SEMA6D: variants seen among roughly 807,000 people sequenced by gnomAD.
The protein encoded by SEMA6D is semaphorin-6D.
Under a neutral mutation model 106.6 loss-of-function variants are expected in SEMA6D, and 35 were observed. The observed-to-expected ratio is 0.33, with a 90% CI of 0.25 to 0.44. The LOEUF (loss-of-function observed/expected upper bound fraction) is 0.44, where lower values mean the gene tolerates loss of function less well. Ranked by LOEUF, SEMA6D falls within the 20% of genes least tolerant of loss-of-function variation. The pLI, the probability that SEMA6D is intolerant of heterozygous loss-of-function variation, is 1.00. For synonymous variants in SEMA6D, 499 were observed against 487.7 expected, an observed-to-expected ratio of 1.02 and a Z score of -0.31; for missense variants, 1,185 against 1,345.9, an observed-to-expected ratio of 0.88 and a Z score of 1.87.
At chr15:47,264,369 T>A (rs1362834107) in intron 1 of SEMA6D, among the ~76,000 whole-genome samples, 1 of 151,198 alleles carries the variant, frequency 6.6e-6, no homozygotes, top group Non-Finnish European at 1.5e-5. Context: ...TTGTGCAAGG[T>A]TTTTGGGGGA....
intron 3 of SEMA6D, among the ~76,000 whole-genome samples, chr15:47,522,550 C>G (rs2044621102): frequency 6.6e-6 from 1 of 152,174 alleles, no homozygotes; most frequent in African/African-American, 2.4e-5. Flanking sequence ...AGTAAGCATC[C>G]TTTCAAGAGT....
At chr15:47,702,319 A>G (rs1321424745) in intron 4 of SEMA6D, among the ~76,000 whole-genome samples, 1 of 152,226 alleles carries the variant, frequency 6.6e-6, no homozygotes, top group African/African-American at 2.4e-5. Flanking sequence ...GCAGCAGGAT[A>G]CTGCCACACA....
At chr15:47,569,164 A>C (rs975941158) in intron 3 of SEMA6D, among the ~76,000 whole-genome samples, 3 of 152,166 alleles carry the variant, frequency 2.0e-5, no homozygotes, top group African/African-American at 7.2e-5. Context: ...GGTGGTAACT[A>C]TACCTTTTCA....
At chr15:47,217,294 G>T (rs1272751095) in intron 1 of SEMA6D, among the ~76,000 whole-genome samples, 1 of 152,106 alleles carries the variant, frequency 6.6e-6, no homozygotes, top group East Asian at 1.9e-4. Context: ...TTTTAAATTT[G>T]TAGTACCATT....
At chr15:47,460,143 C>G (rs1379238473) in intron 2 of SEMA6D, among the ~76,000 whole-genome samples, 1 of 152,054 alleles carries the variant, frequency 6.6e-6, no homozygotes, top group African/African-American at 2.4e-5. Flanking sequence ...TTGCAACATT[C>G]TGACACTCAG....
chr15:47,597,569 A>G (rs909234312), intron 3 of SEMA6D, among the ~76,000 whole-genome samples: 2 of 152,070 alleles, frequency 1.3e-5, no homozygotes, highest in East Asian at 1.9e-4. Context: ...GTGAGGCAAC[A>G]TGAGTGAACC....
At chr15:47,238,734 G>A in intron 1 of SEMA6D, among the ~76,000 whole-genome samples, 1 of 152,146 alleles carries the variant, frequency 6.6e-6, no homozygotes, top group East Asian at 1.9e-4. Context: ...TTTGCTGGCA[G>A]CTATGCTTAG....
chr15:47,362,409 A>G (rs1447789097), intron 1 of SEMA6D, among the ~76,000 whole-genome samples: 2 of 152,126 alleles, frequency 1.3e-5, no homozygotes, highest in Non-Finnish European at 2.9e-5. Flanking sequence ...TTTTCATGAT[A>G]CTGGAACCTG....
intron 3 of SEMA6D, among the ~76,000 whole-genome samples, chr15:47,525,983 G>A (rs571577466): frequency 9.5e-4 from 144 of 152,364 alleles, no homozygotes; most frequent in African/African-American, 3.3e-3. Flanking sequence ...CTCAGCACCT[G>A]TTGGAGAACA....
In SEMA6D at chr15:47,762,260, G is replaced by A. The variant is rs1240809744; in HGVS notation, c.599G>A (p.Arg200Gln). 1.9e-6 allele frequency: 3 copies of A among 1,613,612 alleles called. No individual in the cohort carries two copies. The highest frequency in any genetic ancestry group is 2.5e-6 in the Non-Finnish European group (3 of 1,179,658). ...DFLASDAVIY[R>Q]SMGDGSALRT... ...TTGGCCAGCGATGCCGTTATTTATCGAAGCATGGGTGATGGATCTGCCCTT... is the reference window on the plus strand; with the variant it reads ...TTGGCCAGCGATGCCGTTATTTATCAAAGCATGGGTGATGGATCTGCCCTT... The change falls in exon 8 of 19, where the codon CGA becomes CAA. Residue 200 changes from arginine (R) to glutamine (Q), a missense_variant. Physicochemically the swap from Arg to Gln is conservative, Grantham distance 43. Transcript: ENST00000536845.
At chr15:47,730,091 A>T in intron 1 of SEMA6D, 1 of 794,504 alleles carries the variant, frequency 1.3e-6, no homozygotes, top group African/African-American at 1.7e-5. Flanking sequence ...TTGAAGGAAA[A>T]TTTATATTAT....
chr15:47,449,708 C>T (rs1350980802), intron 2 of SEMA6D, among the ~76,000 whole-genome samples: 1 of 152,082 alleles, frequency 6.6e-6, no homozygotes, highest in Admixed American at 6.6e-5. Context: ...GACAGTGTCT[C>T]ATTACCATCT....
At chr15:47,313,686 T>G (rs1301661419) in intron 1 of SEMA6D, among the ~76,000 whole-genome samples, 1 of 152,120 alleles carries the variant, frequency 6.6e-6, no homozygotes, top group Admixed American at 6.5e-5. Context: ...CACCTCAGCC[T>G]TCCGTGTAGC....
chr15:47,434,558 CT>C (rs532028113), intron 2 of SEMA6D, among the ~76,000 whole-genome samples: 163 of 152,096 alleles, frequency 1.1e-3, no homozygotes, highest in Non-Finnish European at 9.1e-4. Context: ...ATAAACATAA[CT>C]TTTTTTTCCT....
intron 1 of SEMA6D, among the ~76,000 whole-genome samples, chr15:47,397,350 C>T (rs1950081562): frequency 1.3e-5 from 2 of 152,158 alleles, no homozygotes; most frequent in African/African-American, 4.8e-5. Flanking sequence ...GATATGTAGA[C>T]AAGGGAGAGT....
At chr15:47,227,940 T>TATATATTTTATATATATAAGAATCTTAC (rs2031876257) in intron 1 of SEMA6D, among the ~76,000 whole-genome samples, 1 of 143,588 alleles carries the variant, frequency 7.0e-6, no homozygotes, top group African/African-American at 2.5e-5. Flanking sequence ...AAGAATCTTA[T>TATATATTTTATATATATAAGAATCTTAC]ATATATTTTT....
At chr15:47,355,543 G>A (rs1367026889) in intron 1 of SEMA6D, among the ~76,000 whole-genome samples, 1 of 152,168 alleles carries the variant, frequency 6.6e-6, no homozygotes, top group African/African-American at 2.4e-5. Flanking sequence ...ACACATGTCA[G>A]ATGTGTTTTA....
intron 2 of SEMA6D, 168 bp downstream of exon 2, chr15:47,760,075 C>A: frequency 1.5e-6 from 1 of 664,984 alleles, no homozygotes; most frequent in Non-Finnish European, 2.6e-6. Context: ...GAAAACGGGG[C>A]AGTTTTGTTG....
chr15:47,317,546 T>G (rs543193692), intron 1 of SEMA6D, among the ~76,000 whole-genome samples: 1 of 152,352 alleles, frequency 6.6e-6, no homozygotes, highest in East Asian at 1.9e-4. Flanking sequence ...AAGGCAGGTC[T>G]ACTGGGAAAA....
Sources: allele counts gnomAD v4.1 joint callset (sites outside exome capture counted in the v4.1 genomes callset), GRCh38; gene constraint gnomAD v4.1.1; transcripts MANE v1.5; gene names NCBI Gene and HGNC (gene_info 2026-07-23, HGNC 2026-07-21).